PTBP2: variants seen among roughly 807,000 people sequenced by gnomAD.
The protein encoded by PTBP2 is polypyrimidine tract binding protein 2.
Under a neutral mutation model 61.4 loss-of-function variants are expected in PTBP2, and 13 were observed. The observed-to-expected ratio is 0.21, with a 90% CI of 0.14 to 0.34. The LOEUF is 0.34. Among genes scored for constraint, PTBP2 ranks in the 10% least tolerant of loss-of-function variants. PTBP2 has a pLI of 1.00. For synonymous variants in PTBP2, 215 were observed against 218.5 expected, an observed-to-expected ratio of 0.98 and a Z score of 0.14; for missense variants, 405 against 642.6, an observed-to-expected ratio of 0.63 and a Z score of 4.00.
intron 2 of PTBP2, among the ~76,000 whole-genome samples, chr1:96,739,002 T>C (rs1652612789): frequency 6.6e-6 from 1 of 152,188 alleles, no homozygotes; most frequent in Non-Finnish European, 1.5e-5. Flanking sequence ...ACAAATGTTT[T>C]TTAAATATTT....
chr1:96,784,547 T>A (rs1198049943), intron 7 of PTBP2, among the ~76,000 whole-genome samples: 1 of 152,150 alleles, frequency 6.6e-6, no homozygotes, highest in Non-Finnish European at 1.5e-5. Flanking sequence ...TTTTTCTTTT[T>A]TGCCTCATTT....
intron 7 of PTBP2, among the ~76,000 whole-genome samples, chr1:96,782,304 A>G (rs891112415): frequency 5.9e-5 from 9 of 152,124 alleles, no homozygotes; most frequent in Admixed American, 2.0e-4. Flanking sequence ...TTCATCACTA[A>G]CTGATAATAA....
At chr1:96,721,989 T>C (rs1263138997) in intron 1 of PTBP2, 117 bp downstream of exon 1, 1 of 1,347,720 alleles carries the variant, frequency 7.4e-7, no homozygotes, top group Admixed American at 2.0e-5. Flanking sequence ...GGGCTGCCGT[T>C]ACCCAACCCC....
intron 2 of PTBP2, among the ~76,000 whole-genome samples, chr1:96,751,111 A>G (rs1036927181): frequency 4.6e-5 from 7 of 152,100 alleles, no homozygotes; most frequent in Admixed American, 3.3e-4. Context: ...GAGAAAGTCT[A>G]GCTGTTGTGG....
chr1:96,762,514 C>A lies in PTBP2; in HGVS notation c.116-7189C>A, dbSNP rs539397867. 9.5e-4 allele frequency among the ~76,000 whole-genome samples: 138 copies of A among 145,606 alleles called. 2 individuals are homozygous for A. The highest frequency in any genetic ancestry group is 7.4e-3 in the Middle Eastern group (2 of 270). On this transcript the variant is annotated intron_variant, in intron 3 of 13. Transcript: ENST00000674951. Reference sequence around the variant, plus strand: ...GGGGGCTGACCCCCGCCACCTCCCTCCCGGACGGGGCGGCTGGCCGGGCTG... The same window carrying A: ...GGGGGCTGACCCCCGCCACCTCCCTACCGGACGGGGCGGCTGGCCGGGCTG...
intron 3 of PTBP2, among the ~76,000 whole-genome samples, chr1:96,755,953 T>C (rs1464382030): frequency 6.6e-6 from 1 of 152,200 alleles, no homozygotes; most frequent in Non-Finnish European, 1.5e-5. Context: ...TTTTATAATT[T>C]AAATACATAT....
intron 2 of PTBP2, among the ~76,000 whole-genome samples, chr1:96,745,077 T>G (rs868249931): frequency 6.6e-6 from 1 of 152,148 alleles, no homozygotes; most frequent in Non-Finnish European, 1.5e-5. Flanking sequence ...GAGAATGTTA[T>G]GAAATATAAG....
At chr1:96,808,356 G>A (rs1224735038) in intron 11 of PTBP2, among the ~76,000 whole-genome samples, 3 of 152,064 alleles carry the variant, frequency 2.0e-5, no homozygotes, top group Admixed American at 2.0e-4. Context: ...TTTCTGGTGA[G>A]GTCTCTCTTG....
chr1:96,779,837 A>G (rs572154020), intron 7 of PTBP2, among the ~76,000 whole-genome samples: 10 of 151,776 alleles, frequency 6.6e-5, no homozygotes, highest in Non-Finnish European at 4.4e-5. Context: ...ACTTGCCTGC[A>G]TCTGGGCTCT....
intron 3 of PTBP2, among the ~76,000 whole-genome samples, chr1:96,762,391 G>C (rs1656019422): frequency 6.7e-6 from 1 of 149,442 alleles, no homozygotes; most frequent in East Asian, 2.0e-4. Context: ...TGGCCGGGCG[G>C]GGGGCTGACC....
downstream of PTBP2, chr1:96,815,535 C>G (rs183132567): frequency 1.2e-3 from 182 of 152,174 alleles, no homozygotes; most frequent in African/African-American, 4.3e-3. Flanking sequence ...ATATTTCGGT[C>G]AGTTTTTCTA....
intron 2 of PTBP2, among the ~76,000 whole-genome samples, chr1:96,728,488 CTTATGTCTGTATGTGTGATT>C (rs1412342588): frequency 6.6e-6 from 1 of 152,160 alleles, no homozygotes; most frequent in Non-Finnish European, 1.5e-5. Context: ...TGAAAAATCA[CTTATGTCTGTATGTGTGATT>C]TTATGTCTGT....
At chr1:96,774,692 A>G (rs1405076088) in intron 5 of PTBP2, among the ~76,000 whole-genome samples, 1 of 152,052 alleles carries the variant, frequency 6.6e-6, no homozygotes, top group Non-Finnish European at 1.5e-5. Flanking sequence ...CTCTTTATAA[A>G]CTACTTTCTT....
At chr1:96,812,575 C>CTA (rs1338527170) in intron 11 of PTBP2, 137 bp from the exon 12 acceptor site, 2 of 717,872 alleles carry the variant, frequency 2.8e-6, no homozygotes, top group Non-Finnish European at 4.5e-6. Context: ...TAAGTCTTAT[C>CTA]ACCAGTGGCT....
At chr1:96,777,286 G>A (rs1328998691) in intron 5 of PTBP2, among the ~76,000 whole-genome samples, 2 of 152,102 alleles carry the variant, frequency 1.3e-5, no homozygotes, top group Non-Finnish European at 2.9e-5. Context: ...GATGGTACAT[G>A]TATTTATAAA....
At position 96,788,006 on chromosome 1, in the gene PTBP2, A is replaced by G. The variant is rs188536673; in HGVS notation, c.904+2752A>G. Among the ~76,000 whole-genome samples, 9 of 152,298 alleles carry G rather than the reference A, an allele frequency of 5.9e-5. No individual in the cohort carries two copies. The East Asian group carries it at 1.7e-3, about 29-fold the overall frequency. Reference sequence around the variant, plus strand: ...TCATCTAAAGGTGATATTAACTTAAACTAACATTAATTATATATGAGGCTG... The same window carrying G: ...TCATCTAAAGGTGATATTAACTTAAGCTAACATTAATTATATATGAGGCTG... On this transcript the variant is annotated intron_variant, in intron 8 of 13. Transcript: ENST00000674951.
intron 3 of PTBP2, among the ~76,000 whole-genome samples, chr1:96,756,132 C>T (rs962278423): frequency 1.4e-4 from 21 of 152,204 alleles, no homozygotes; most frequent in African/African-American, 5.1e-4. Context: ...GGCACAGTGG[C>T]TTACGCCTGT....
chr1:96,791,836 T>TTTTTTTTTG (rs1557759245), intron 8 of PTBP2, among the ~76,000 whole-genome samples: 2 of 135,992 alleles, frequency 1.5e-5, no homozygotes, highest in South Asian at 2.5e-4. Context: ...CTTTTTTTTT[T>TTTTTTTTTG]TTTTTTTTTT....
chr1:96,788,265 CTTCA>C (rs1192222380), intron 8 of PTBP2, among the ~76,000 whole-genome samples: 2 of 152,038 alleles, frequency 1.3e-5, no homozygotes, highest in Non-Finnish European at 2.9e-5. Context: ...TGAGCCAAGC[CTTCA>C]GCTTTATTCA....
Sources: gnomAD v4.1 joint callset for allele counts (sites outside exome capture counted in the v4.1 genomes callset) on GRCh38, gnomAD v4.1.1 for gene constraint, MANE v1.5 for transcripts, NCBI Gene and HGNC (gene_info 2026-07-23, HGNC 2026-07-21) for gene names.